The following EZH2 variants were observed in gnomAD, a reference collection of about 807,000 sequenced individuals.
EZH2 encodes the protein enhancer of zeste 2 polycomb repressive complex 2 subunit, also known as histone-lysine N-methyltransferase EZH2.
In EZH2, 18 loss-of-function variants were observed where a neutral mutation model predicts 98.4. The observed-to-expected ratio is 0.18, with a 90% CI of 0.13 to 0.27. EZH2 has a LOEUF of 0.27. Among genes scored for constraint, EZH2 ranks in the 10% least tolerant of loss-of-function variants. The probability of loss-of-function intolerance (pLI) is 1.00; values close to 1 mark genes in which losing one functional copy is unlikely to be tolerated. For synonymous variants in EZH2, 338 were observed against 312.3 expected, an observed-to-expected ratio of 1.08 and a Z score of -0.87; for missense variants, 470 against 935.1, an observed-to-expected ratio of 0.50 and a Z score of 6.49.
chr7:148,866,677 C>A (rs940791573), intron 1 of EZH2, among the ~76,000 whole-genome samples: 4 of 144,250 alleles, frequency 2.8e-5, no homozygotes, highest in Non-Finnish European at 4.5e-5. Flanking sequence ...TATATATGTA[C>A]GTATATGCAT....
rs73158261 is a variant in EZH2 at position 148,831,046 on chromosome 7, C to T, written c.364-1198G>A. On this transcript the variant is annotated intron_variant, in intron 4 of 19. Transcript: ENST00000320356. ...AGAAGCTCTTTAAAGGGTGAGATGGCGTAGGCTCGGCCCAGCACTATGATC... is the reference window on the plus strand; with the variant it reads ...AGAAGCTCTTTAAAGGGTGAGATGGTGTAGGCTCGGCCCAGCACTATGATC... 8.2e-3 allele frequency among the ~76,000 whole-genome samples: 1,255 copies of T among 152,186 alleles called. 12 individuals are homozygous for T. Among genetic ancestry groups the T allele is most frequent in the Non-Finnish European group, 0.012 (790 of 68,000 alleles).
rs1389657572 is a variant in EZH2 at position 148,846,565 on chromosome 7, C to T, written c.151G>A (p.Glu51Lys). The stretch of plus-strand genomic sequence containing the variant: ...TCTTGGTTTAAGATTTCCGTTCTTT[C>T]CAAAATTTTCTGACGATTGGAACTA... The part of the protein sequence containing the change: ...MFSSNRQKIL[E>K]RTEILNQEWK... Residue 51 changes from glutamate (E) to lysine (K), a missense_variant, in exon 3 of 20, where the codon GAA becomes AAA. Physicochemically the swap from Glu to Lys is moderately conservative, Grantham distance 56. Transcript: ENST00000320356. 6.2e-7 allele frequency: 1 copy of T among 1,612,086 alleles called. No homozygotes were observed. The highest frequency in any genetic ancestry group is 8.5e-7 in the Non-Finnish European group (1 of 1,179,590).
intron 9 of EZH2, among the ~76,000 whole-genome samples, chr7:148,818,376 T>TGTAAAATAG (rs1805144557): frequency 6.6e-6 from 1 of 152,198 alleles, no homozygotes; most frequent in Non-Finnish European, 1.5e-5. Context: ...ATTGTGAATT[T>TGTAAAATAG]GTAAAATATA....
intron 1 of EZH2, among the ~76,000 whole-genome samples, chr7:148,852,177 A>T (rs1279060734): frequency 6.6e-6 from 1 of 152,228 alleles, no homozygotes; most frequent in Non-Finnish European, 1.5e-5. Context: ...GCAGGAGCCC[A>T]TCAAAGCTTT....
intron 5 of EZH2, 72 bp downstream of exon 5, chr7:148,829,656 A>AT: frequency 6.5e-7 from 1 of 1,542,614 alleles, no homozygotes; most frequent in Non-Finnish European, 8.8e-7. Context: ...CTCATGCCCT[A>AT]TATGCTTCAT....
intron 19 of EZH2, among the ~76,000 whole-genome samples, chr7:148,808,749 T>C (rs988707857): frequency 6.6e-6 from 1 of 152,162 alleles, no homozygotes; most frequent in African/African-American, 2.4e-5. Context: ...TGATCGCACT[T>C]ATCTGGAAAA....
chr7:148,880,011 A>G (rs1424950674), intron 1 of EZH2, among the ~76,000 whole-genome samples: 1 of 152,238 alleles, frequency 6.6e-6, no homozygotes, highest in Non-Finnish European at 1.5e-5. Flanking sequence ...CAGGAGGCTG[A>G]GACAGGAGGA....
rs569664964 is a variant in EZH2 at position 148,855,560 on chromosome 7, T to C, written c.-7-8255A>G. ...GAGAAGTAAATTTATTTACGGTGCA[T>C]AGACAGTGCCTGACAGATGGTAAGC... On this transcript the variant is annotated intron_variant, in intron 1 of 19. Coordinates refer to ENST00000320356, the MANE Select transcript of EZH2 (RefSeq NM_004456.5). Among the ~76,000 whole-genome samples the C allele has an allele frequency of 3.3e-5, 5 of 152,198 alleles. No homozygotes were observed. In the South Asian group the frequency reaches 6.2e-4, roughly 19 times the overall value.
chr7:148,824,309 C>A (rs1325624538), intron 8 of EZH2, among the ~76,000 whole-genome samples: 4 of 87,822 alleles, frequency 4.6e-5, no homozygotes, highest in Admixed American at 1.2e-4. Context: ...AACGAGACTT[C>A]GTCTCAAAAA....
At chr7:148,813,210 A>C (rs533701758) in intron 15 of EZH2, among the ~76,000 whole-genome samples, 27 of 152,282 alleles carry the variant, frequency 1.8e-4, no homozygotes, top group African/African-American at 6.3e-4. Flanking sequence ...TCACAGGGTT[A>C]GGAGAATCAA....
intron 5 of EZH2, 148 bp downstream of exon 5, chr7:148,829,580 A>G: frequency 1.3e-6 from 1 of 741,160 alleles, no homozygotes; most frequent in African/African-American, 1.9e-5. Flanking sequence ...TGAAAATCTT[A>G]GGCCTGGGCC....
chr7:148,815,609 C>G, intron 12 of EZH2, 63 bp from the exon 13 acceptor site: 2 of 1,381,642 alleles, frequency 1.4e-6, no homozygotes, highest in Non-Finnish European at 2.1e-6. Context: ...CAACAGAGAG[C>G]TGCTTAACTG....
intron 1 of EZH2, among the ~76,000 whole-genome samples, chr7:148,871,213 G>A (rs1468257723): frequency 6.6e-6 from 1 of 152,032 alleles, no homozygotes; most frequent in Non-Finnish European, 1.5e-5. Context: ...CAAGGATGCA[G>A]AGACATCGAA....
At chr7:148,821,824 G>GTGTA (rs902625797) in intron 8 of EZH2, among the ~76,000 whole-genome samples, 7 of 152,282 alleles carry the variant, frequency 4.6e-5, no homozygotes, top group South Asian at 4.1e-4. Flanking sequence ...GCAAGACCCT[G>GTGTA]TGTATGTATG....
chr7:148,835,294 G>A (rs1368106226), intron 3 of EZH2, among the ~76,000 whole-genome samples: 1 of 151,940 alleles, frequency 6.6e-6, no homozygotes. Context: ...AAGGTAGCAC[G>A]TGCCTGTAGT....
intron 1 of EZH2, among the ~76,000 whole-genome samples, chr7:148,878,327 C>T (rs1200048533): frequency 1.3e-5 from 2 of 152,108 alleles, no homozygotes; most frequent in Non-Finnish European, 2.9e-5. Context: ...ATAGAGTTGC[C>T]TCTTCTAACT....
At chr7:148,867,975 A>T (rs1818790050) in intron 1 of EZH2, among the ~76,000 whole-genome samples, 1 of 152,140 alleles carries the variant, frequency 6.6e-6, no homozygotes, top group Admixed American at 6.5e-5. Flanking sequence ...GTTCCCCAAT[A>T]AGTTCCTCAT....
intron 3 of EZH2, among the ~76,000 whole-genome samples, chr7:148,842,717 T>C (rs1300610898): frequency 6.6e-6 from 1 of 152,064 alleles, no homozygotes; most frequent in Non-Finnish European, 1.5e-5. Context: ...ACAATAATGC[T>C]TAGGTTCTAT....
intron 1 of EZH2, among the ~76,000 whole-genome samples, chr7:148,850,734 C>G (rs1815520643): frequency 6.6e-6 from 1 of 152,104 alleles, no homozygotes; most frequent in Admixed American, 6.6e-5. Context: ...GTACAGTAGT[C>G]CCCACTTATC....
Sources: gnomAD v4.1 joint callset for allele counts (sites outside exome capture counted in the v4.1 genomes callset) on GRCh38, gnomAD v4.1.1 for gene constraint, MANE v1.5 for transcripts, NCBI Gene and HGNC (gene_info 2026-07-23, HGNC 2026-07-21) for gene names.